The following DMD variants were observed in gnomAD, a reference collection of about 807,000 sequenced individuals.
DMD encodes mutant dystrophin.
In DMD, 63 loss-of-function variants were observed where a neutral mutation model predicts 330.1. That is an observed-to-expected ratio of 0.19 (90% CI 0.16 to 0.24). The LOEUF (loss-of-function observed/expected upper bound fraction) is 0.24, where lower values mean the gene tolerates loss of function less well. Among genes scored for constraint, DMD ranks in the 10% least tolerant of loss-of-function variants. DMD has a pLI of 1.00. For synonymous variants in DMD, 1,223 were observed against 959.8 expected, an observed-to-expected ratio of 1.27 and a Z score of -5.07; for missense variants, 3,344 against 2,684.1, an observed-to-expected ratio of 1.25 and a Z score of -5.43.
intron 77 of DMD, among the ~76,000 whole-genome samples, chrX:31,131,805 A>C (rs1385612730): frequency 1.8e-5 from 2 of 111,789 alleles, no homozygotes; most frequent in Non-Finnish European, 3.8e-5. Flanking sequence ...TGAGTGCATC[A>C]ATAATTAGCC....
chrX:33,332,694 G>C (rs983867424), intron 1 of DMD, among the ~76,000 whole-genome samples: 1 of 111,518 alleles, frequency 9.0e-6, no homozygotes, highest in Non-Finnish European at 1.9e-5. Context: ...TATTTGCTAA[G>C]CTGAAAGTAA....
At position 32,170,625 on chromosome X, in the gene DMD, C is replaced by T. The variant is rs185886922; in HGVS notation, c.6438+46291G>A. 1.7e-4 allele frequency among the ~76,000 whole-genome samples: 19 copies of T among 109,964 alleles called. No homozygotes were observed. The East Asian group carries it at 3.4e-3, about 20-fold the overall frequency. On this transcript the variant is annotated intron_variant, in intron 44 of 78. Coordinates refer to ENST00000357033, the MANE Select transcript of DMD (RefSeq NM_004006.3). ...AGCTTGTTAAATGTCTCTATACTTTCGTAACTAGTTCCTCATAGTAAATTC... is the reference window on the plus strand; with the variant it reads ...AGCTTGTTAAATGTCTCTATACTTTTGTAACTAGTTCCTCATAGTAAATTC...
In DMD at chrX:31,451,098, GTTTT is replaced by G. The variant is rs112471415; in HGVS notation, c.8938-6475_8938-6472del. ...TTCAGTTGTCAAGCACTTATATTTT[GTTTT>G]TTTTTTTTTTTCAGGAGACTTTTCT... is the stretch of plus-strand genomic sequence containing the variant. On this transcript the variant is annotated intron_variant, in intron 59 of 78. Transcript: ENST00000357033. 6.9e-5 allele frequency among the ~76,000 whole-genome samples: 5 copies of G among 72,918 alleles called. No homozygotes were observed. In the South Asian group the frequency reaches 3.3e-3, roughly 48 times the overall value. 63.3% of individuals were successfully genotyped at this position (72,918 alleles called of 115,157 possible).
chrX:32,159,632 A>T (rs745773462), intron 44 of DMD, among the ~76,000 whole-genome samples: 3 of 111,993 alleles, frequency 2.7e-5, no homozygotes, highest in Non-Finnish European at 5.6e-5. Context: ...GTGATGTCAA[A>T]CCTAAAACTA....
chrX:32,621,775 C>G (rs2058014323), intron 11 of DMD, among the ~76,000 whole-genome samples: 1 of 110,702 alleles, frequency 9.0e-6, no homozygotes, highest in African/African-American at 3.3e-5. Flanking sequence ...AAATAGAGCC[C>G]TGCTTTTTCT....
chrX:31,842,528 A>T (rs1603486129), intron 48 of DMD, among the ~76,000 whole-genome samples: 1 of 111,477 alleles, frequency 9.0e-6, no homozygotes, highest in East Asian at 2.8e-4. Context: ...ATCAACCAAC[A>T]TAGCAAACCT....
chrX:33,045,011 C>G (rs1464567061), intron 1 of DMD, among the ~76,000 whole-genome samples: 1 of 110,764 alleles, frequency 9.0e-6, no homozygotes. Flanking sequence ...TAGTAAAAGG[C>G]TGTTCAGTCC....
intron 2 of DMD, among the ~76,000 whole-genome samples, chrX:33,010,867 C>T (rs1242513812): frequency 9.0e-6 from 1 of 110,918 alleles, no homozygotes; most frequent in Admixed American, 9.7e-5. Context: ...GTTCTTTGGC[C>T]GTCAGCATCA....
chrX:32,394,874 T>C (rs939149121), intron 30 of DMD, among the ~76,000 whole-genome samples: 3 of 73,126 alleles, frequency 4.1e-5, no homozygotes, highest in Non-Finnish European at 8.1e-5. Flanking sequence ...TCCTTTAACC[T>C]TTTATACCAG....
chrX:32,955,559 A>T (rs369438003), intron 2 of DMD, among the ~76,000 whole-genome samples: 7 of 111,116 alleles, frequency 6.3e-5, no homozygotes, highest in African/African-American at 1.6e-4. Context: ...CCATTTTTCA[A>T]TTTTTGCTTT....
At chrX:31,266,998 A>G (rs1044166242) in intron 62 of DMD, 150 of 784,981 alleles carry the variant, frequency 1.9e-4, no homozygotes, top group Middle Eastern at 9.4e-4. Context: ...CGCTGCGGGC[A>G]GACGGGGCGG....
intron 2 of DMD, among the ~76,000 whole-genome samples, chrX:32,919,541 C>T (rs890732659): frequency 4.5e-5 from 5 of 111,559 alleles, no homozygotes; most frequent in Non-Finnish European, 9.4e-5. Flanking sequence ...TAGTAGTATT[C>T]AGTCTATTCT....
At chrX:32,725,270 G>C (rs917130310) in intron 7 of DMD, among the ~76,000 whole-genome samples, 6 of 110,675 alleles carry the variant, frequency 5.4e-5, no homozygotes, top group Non-Finnish European at 7.6e-5. Context: ...AGCATTCTCT[G>C]CCTCTCATAT....
intron 50 of DMD, among the ~76,000 whole-genome samples, chrX:31,812,333 C>T (rs763246144): frequency 5.6e-4 from 57 of 101,767 alleles, no homozygotes; most frequent in African/African-American, 1.9e-3. Context: ...AACCAAACAC[C>T]GCATATTCTC....
intron 2 of DMD, among the ~76,000 whole-genome samples, chrX:32,902,824 C>A (rs780511535): frequency 3.6e-5 from 4 of 109,978 alleles, no homozygotes; most frequent in African/African-American, 1.4e-4. Context: ...TGTCTATATA[C>A]GTGGGAAATT....
intron 60 of DMD, among the ~76,000 whole-genome samples, chrX:31,421,983 ATATG>A (rs1397906977): frequency 4.1e-5 from 3 of 73,264 alleles, no homozygotes; most frequent in Admixed American, 3.0e-4. Flanking sequence ...ACACATATAT[ATATG>A]TATATATACA....
At chrX:31,496,062 G>T (rs113304893) in intron 57 of DMD, among the ~76,000 whole-genome samples, 3,096 of 111,697 alleles carry the variant, frequency 0.028, 112 homozygotes, top group African/African-American at 0.096. Flanking sequence ...ACAGTTGCAT[G>T]ACATATAATG....
At chrX:31,434,509 G>C (rs910055252) in intron 60 of DMD, among the ~76,000 whole-genome samples, 1 of 105,318 alleles carries the variant, frequency 9.5e-6, no homozygotes, top group African/African-American at 3.5e-5. Flanking sequence ...GTAGTGTCCT[G>C]TATTTTCTTT....
intron 2 of DMD, among the ~76,000 whole-genome samples, chrX:32,899,501 C>T (rs937795963): frequency 9.2e-6 from 1 of 108,786 alleles, no homozygotes; most frequent in African/African-American, 3.3e-5. Context: ...TGGTGAAACC[C>T]CGTCGCTACT....
Sources: gnomAD v4.1 joint callset for allele counts (sites outside exome capture counted in the v4.1 genomes callset) on GRCh38, gnomAD v4.1.1 for gene constraint, MANE v1.5 for transcripts, NCBI Gene and HGNC (gene_info 2026-07-23, HGNC 2026-07-21) for gene names.